Variants in FRMD4B observed in about 807,000 individuals in gnomAD.
The protein encoded by FRMD4B is FERM domain-containing protein 4B.
Under a neutral mutation model 141.5 loss-of-function variants are expected in FRMD4B, and 74 were observed. The observed-to-expected ratio is 0.52, with a 90% CI of 0.43 to 0.63. The LOEUF (loss-of-function observed/expected upper bound fraction) is 0.63. Among genes scored for constraint, FRMD4B ranks in the 30% least tolerant of loss-of-function variants. The probability of loss-of-function intolerance (pLI) is 0.00; values close to 1 mark genes in which losing one functional copy is unlikely to be tolerated. For synonymous variants in FRMD4B, 506 were observed against 467.9 expected, an observed-to-expected ratio of 1.08 and a Z score of -1.05; for missense variants, 1,366 against 1,253.4, an observed-to-expected ratio of 1.09 and a Z score of -1.36.
chr3:69,389,913 T>TC (rs200042794), upstream of FRMD4B, among the ~76,000 whole-genome samples: 70 of 151,716 alleles, frequency 4.6e-4, no homozygotes, highest in East Asian at 0.011. Flanking sequence ...TTTCTTTCTT[T>TC]TTTTTTTTAA....
chr3:69,406,563 C>T (rs1310092242), intron 2 of FRMD4B, among the ~76,000 whole-genome samples: 4 of 152,218 alleles, frequency 2.6e-5, no homozygotes, highest in African/African-American at 4.8e-5. Flanking sequence ...TGAGAAACTG[C>T]TAAGTGATGC....
chr3:69,335,005 C>A (rs1469572347), intron 1 of FRMD4B, among the ~76,000 whole-genome samples: 1 of 152,140 alleles, frequency 6.6e-6, no homozygotes, highest in African/African-American at 2.4e-5. Context: ...ACAGAGCAGG[C>A]TGGGCCAGTG....
chr3:69,406,885 C>A (rs1704658556), intron 2 of FRMD4B, among the ~76,000 whole-genome samples: 1 of 150,972 alleles, frequency 6.6e-6, no homozygotes, highest in Non-Finnish European at 1.5e-5. Context: ...GTGTGTACCA[C>A]CACACCCAGT....
intron 2 of FRMD4B, among the ~76,000 whole-genome samples, chr3:69,425,827 A>G (rs1166496900): frequency 2.0e-5 from 3 of 152,202 alleles, no homozygotes; most frequent in Admixed American, 6.5e-5. Context: ...CCAAAGCCCA[A>G]GTAAGTGGGG....
At chr3:69,423,689 G>A (rs978577595) in intron 2 of FRMD4B, among the ~76,000 whole-genome samples, 3 of 152,138 alleles carry the variant, frequency 2.0e-5, no homozygotes, top group Non-Finnish European at 4.4e-5. Context: ...CCTCATGAAC[G>A]GGATTAGTGC....
At chr3:69,314,435 G>A (rs1318830281) in intron 1 of FRMD4B, among the ~76,000 whole-genome samples, 1 of 151,496 alleles carries the variant, frequency 6.6e-6, no homozygotes, top group Non-Finnish European at 1.5e-5. Flanking sequence ...GCTAAGGCAT[G>A]AGAATTTGCT....
In FRMD4B at chr3:69,176,506, C is replaced by G. The variant is rs763423582; in HGVS notation, c.2984+18G>C. The G allele has an allele frequency of 1.9e-6, 3 of 1,601,222 alleles. No individual in the cohort carries two copies. Among genetic ancestry groups the G allele is most frequent in the Non-Finnish European group, 2.6e-6 (3 of 1,169,716 alleles). On this transcript the variant is annotated intron_variant, in intron 22 of 22. Coordinates refer to ENST00000398540, the MANE Select transcript of FRMD4B (RefSeq NM_015123.3). ...AACTGGAACAGGCTCCTAGGATTTT[C>G]GAGCATTGCTTCCTCACCTGCTTGG...
intron 17 of FRMD4B, among the ~76,000 whole-genome samples, chr3:69,192,822 ACT>A (rs1491443557): frequency 6.8e-6 from 1 of 147,360 alleles, no homozygotes; most frequent in Non-Finnish European, 1.5e-5. Context: ...AATTTTGTTC[ACT>A]TTTTTTTTTT....
chr3:69,325,258 T>C (rs2107304432), intron 1 of FRMD4B, among the ~76,000 whole-genome samples: 1 of 152,252 alleles, frequency 6.6e-6, no homozygotes, highest in African/African-American at 2.4e-5. Context: ...TTACAGAGGT[T>C]GGGAGAAAGT....
chr3:69,519,315 G>T (rs1173997141), intron 1 of FRMD4B, among the ~76,000 whole-genome samples: 2 of 152,138 alleles, frequency 1.3e-5, no homozygotes, highest in African/African-American at 4.8e-5. Context: ...GGAAAGCTAG[G>T]TTGTGCAAAG....
intron 7 of FRMD4B, among the ~76,000 whole-genome samples, chr3:69,235,596 T>C (rs1181024178): frequency 6.6e-6 from 1 of 151,476 alleles, no homozygotes; most frequent in Admixed American, 6.6e-5. Flanking sequence ...GAGGCGGAGG[T>C]TGCAGTGAGC....
chr3:69,324,931 C>T (rs1702130027), intron 1 of FRMD4B, among the ~76,000 whole-genome samples: 1 of 151,562 alleles, frequency 6.6e-6, no homozygotes, highest in South Asian at 2.1e-4. Context: ...CCTGTCTCTA[C>T]AAAAAATTAG....
At chr3:69,488,158 C>T (rs993790369) in intron 1 of FRMD4B, among the ~76,000 whole-genome samples, 17 of 151,996 alleles carry the variant, frequency 1.1e-4, no homozygotes, top group African/African-American at 4.1e-4. Flanking sequence ...GTAGATATTG[C>T]CTTGTAAGAG....
At chr3:69,287,544 G>A (rs4855380) in intron 5 of FRMD4B, 277,100 of 550,994 alleles carry the variant, frequency 0.5, 70,447 homozygotes, top group Admixed American at 0.54. Context: ...CAGGATTCCC[G>A]TGCAGATGGT....
chr3:69,503,143 T>A (rs1185436568), intron 1 of FRMD4B, among the ~76,000 whole-genome samples: 1 of 152,204 alleles, frequency 6.6e-6, no homozygotes, highest in Non-Finnish European at 1.5e-5. Flanking sequence ...CTCAAGGATC[T>A]AGAGCTAGAA....
chr3:69,405,427 T>C (rs976825290), intron 2 of FRMD4B, among the ~76,000 whole-genome samples: 4 of 152,170 alleles, frequency 2.6e-5, no homozygotes, highest in African/African-American at 9.7e-5. Context: ...TAGCGGTTTG[T>C]GTAGTGACTG....
Position 69,169,049 on chromosome 3 carries a change from A to C in FRMD4B, c.*2812T>G, listed in dbSNP as rs1189522279. On this transcript the variant is annotated 3_prime_UTR_variant, in exon 23 of 23. Transcript: ENST00000398540. ...GTACTTGTAATATGCTGGACTTTAA[A>C]AAAATTACTATATGCATAGAAAAAA... 6.7e-6 allele frequency among the ~76,000 whole-genome samples: 1 copy of C among 150,216 alleles called. No homozygotes were observed. Among genetic ancestry groups the C allele is most frequent in the Non-Finnish European group, 1.5e-5 (1 of 67,660 alleles).
intron 1 of FRMD4B, chr3:69,536,491 T>C (rs1400867995): frequency 2.9e-6 from 2 of 695,350 alleles, no homozygotes; most frequent in Non-Finnish European, 5.3e-6. Context: ...CAACGTGCCC[T>C]AGCGCTACTC....
upstream of FRMD4B, among the ~76,000 whole-genome samples, chr3:69,389,398 C>T (rs4566539): frequency 0.063 from 9,532 of 152,200 alleles, 461 homozygotes; most frequent in South Asian, 0.18. Flanking sequence ...CAACTAGTTA[C>T]CTACATGTGC....
Sources: gnomAD v4.1 joint callset for allele counts (sites outside exome capture counted in the v4.1 genomes callset) on GRCh38, gnomAD v4.1.1 for gene constraint, MANE v1.5 for transcripts, NCBI Gene and HGNC (gene_info 2026-07-23, HGNC 2026-07-21) for gene names.